LRRC38: variants seen among roughly 807,000 people sequenced by gnomAD.
LRRC38 encodes the protein leucine rich repeat containing 38.
In LRRC38, 5 loss-of-function variants were observed where a neutral mutation model predicts 16.4. The ratio of observed to expected loss-of-function variants is 0.31; its 90% CI spans 0.16 to 0.64. The LOEUF is 0.64. Ranked by LOEUF, LRRC38 falls within the 30% of genes least tolerant of loss-of-function variation. The pLI, the probability that LRRC38 is intolerant of heterozygous loss-of-function variation, is 0.80. For synonymous variants in LRRC38, 191 were observed against 190.2 expected, an observed-to-expected ratio of 1.00 and a Z score of -0.04; for missense variants, 341 against 401.8, an observed-to-expected ratio of 0.85 and a Z score of 1.29.
rs1413257640 is a variant in LRRC38, at chr1:13,487,306, A to C, written c.632-11207T>G. Among the ~76,000 whole-genome samples the C allele has an allele frequency of 6.6e-6, 1 of 152,170 alleles. No individual in the cohort carries two copies. Among genetic ancestry groups the C allele is most frequent in the Non-Finnish European group, 1.5e-5 (1 of 68,036 alleles). On this transcript the variant is annotated intron_variant, in intron 1 of 1. Transcript: ENST00000376085. This position sits in a 1 kb window ranked among gnomAD's most constrained non-coding sequence, Gnocchi z 4.4. The stretch of plus-strand genomic sequence containing the variant: ...AGCCTTTGTCCCACAGCCACAAATC[A>C]TTTAACTGGGTCCTGTTGTTCTATA...
intron 1 of LRRC38, among the ~76,000 whole-genome samples, chr1:13,489,090 C>T (rs1308002043): frequency 6.6e-6 from 1 of 152,186 alleles, no homozygotes; most frequent in Non-Finnish European, 1.5e-5. Flanking sequence ...GCCATTACTG[C>T]AGCTACAACT....
At chr1:13,500,205 A>G (rs1327671358) in intron 1 of LRRC38, among the ~76,000 whole-genome samples, 1 of 151,428 alleles carries the variant, frequency 6.6e-6, no homozygotes, top group Non-Finnish European at 1.5e-5. Context: ...CAGTGAGCCG[A>G]GATCATGCCA....
At chr1:13,511,586 A>T (rs919519420) in intron 1 of LRRC38, among the ~76,000 whole-genome samples, 1 of 152,104 alleles carries the variant, frequency 6.6e-6, no homozygotes. Flanking sequence ...AACAGGGGTG[A>T]ATGGTGCCAA....
At chr1:13,492,192 G>A (rs78764949) in intron 1 of LRRC38, among the ~76,000 whole-genome samples, 6 of 152,030 alleles carry the variant, frequency 3.9e-5, no homozygotes, top group Non-Finnish European at 7.4e-5. Flanking sequence ...TACGTACTGC[G>A]TACAAGTGAA....
At position 13,513,035 on chromosome 1, in the gene LRRC38, G is replaced by A. The variant is rs1425751347; in HGVS notation, c.559C>T (p.Pro187Ser). The A allele has an allele frequency of 1.3e-5, 20 of 1,549,862 alleles. No individual in the cohort carries two copies. Among genetic ancestry groups the A allele is most frequent in the Non-Finnish European group, 1.6e-5 (18 of 1,146,638 alleles). ...ALRSLRLDGN[P>S]WLCDCDFAHL... ...GCGAAGTCACAGTCGCACAGCCAGGGGTTCCCGTCCAGACGCAGGGAGCGC... is the reference window on the plus strand; with the variant it reads ...GCGAAGTCACAGTCGCACAGCCAGGAGTTCCCGTCCAGACGCAGGGAGCGC... Residue 187 changes from proline to serine, a missense_variant, in exon 1 of 2, where the codon CCC (proline) becomes TCC (serine). Coordinates refer to ENST00000376085, the MANE Select transcript of LRRC38 (RefSeq NM_001010847.2).
At chr1:13,506,198 A>G (rs1364290682) in intron 1 of LRRC38, among the ~76,000 whole-genome samples, 1 of 152,078 alleles carries the variant, frequency 6.6e-6, no homozygotes, top group Non-Finnish European at 1.5e-5. Context: ...ATGGAAGGTT[A>G]AGTGGGAACC....
At chr1:13,498,346 G>A (rs549539661) in intron 1 of LRRC38, among the ~76,000 whole-genome samples, 1 of 152,206 alleles carries the variant, frequency 6.6e-6, no homozygotes, top group African/African-American at 2.4e-5. Context: ...TCTGAAGGCT[G>A]AGAGGCCAGG....
intron 1 of LRRC38, among the ~76,000 whole-genome samples, chr1:13,479,961 G>T (rs371388600): frequency 4.6e-5 from 7 of 152,134 alleles, no homozygotes; most frequent in African/African-American, 1.7e-4. Flanking sequence ...TTGACATAGG[G>T]GCCGTCCTGT....
At chr1:13,489,242 T>C (rs1036541815) in intron 1 of LRRC38, among the ~76,000 whole-genome samples, 7 of 152,172 alleles carry the variant, frequency 4.6e-5, no homozygotes, top group African/African-American at 1.7e-4. Context: ...TTCCCCTCCC[T>C]GGCTAAGAGA....
chr1:13,478,113 A>C (rs1364626833), intron 1 of LRRC38, among the ~76,000 whole-genome samples: 1 of 152,248 alleles, frequency 6.6e-6, no homozygotes, highest in East Asian at 1.9e-4. Context: ...AATACGAGCT[A>C]TGTGCAAATT....
At chr1:13,479,921 A>G (rs1432322513) in intron 1 of LRRC38, among the ~76,000 whole-genome samples, 1 of 152,186 alleles carries the variant, frequency 6.6e-6, no homozygotes, top group Non-Finnish European at 1.5e-5. Context: ...CAACTTGGCC[A>G]TCACTGACAT....
rs1639303235 is a variant in LRRC38, at chr1:13,513,579, G to A, written c.15C>T (p.Ala5=). MRPR[A]PACAAAALGL... Reference sequence around the variant, plus strand: ...CGAGCGCCGCGGCGGCGCAGGCTGGGGCTCGGGGGCGCATGGCCGGGGGGC... The same window carrying A: ...CGAGCGCCGCGGCGGCGCAGGCTGGAGCTCGGGGGCGCATGGCCGGGGGGC... The change falls in exon 1 of 2, where the codon GCC becomes GCT. Residue 5 remains alanine, a synonymous_variant. Coordinates refer to ENST00000376085, the MANE Select transcript of LRRC38 (RefSeq NM_001010847.2). 14 of 1,184,106 alleles carry A rather than the reference G, an allele frequency of 1.2e-5. No homozygotes were observed. Among genetic ancestry groups the A allele is most frequent in the Non-Finnish European group, 1.5e-5 (14 of 957,834 alleles). 73.3% of individuals were successfully genotyped at this position (1,184,106 alleles called of 1,614,324 possible). A position where few individuals can be genotyped will look rare whatever the true frequency, so the allele number is the denominator to read the frequency against.
chr1:13,503,740 C>T (rs1197114566), intron 1 of LRRC38, among the ~76,000 whole-genome samples: 1 of 152,200 alleles, frequency 6.6e-6, no homozygotes, highest in African/African-American at 2.4e-5. Flanking sequence ...GCACGTGACT[C>T]GGAGGACCCA....
chr1:13,489,459 G>C (rs1160027936), intron 1 of LRRC38, among the ~76,000 whole-genome samples: 1 of 145,920 alleles, frequency 6.9e-6, no homozygotes, highest in Non-Finnish European at 1.5e-5. Context: ...TTATTTTACA[G>C]ATGAGAGGCC....
chr1:13,497,182 G>GC (rs1008457181), intron 1 of LRRC38, among the ~76,000 whole-genome samples: 12 of 152,132 alleles, frequency 7.9e-5, no homozygotes, highest in African/African-American at 2.9e-4. Flanking sequence ...TGATACGGGA[G>GC]CCCCTGGAGA....
chr1:13,491,152 C>T (rs1426301073), intron 1 of LRRC38, among the ~76,000 whole-genome samples: 1 of 152,100 alleles, frequency 6.6e-6, no homozygotes, highest in Admixed American at 6.6e-5. Flanking sequence ...TTTTGGTTGT[C>T]ACACTGGGTG....
chr1:13,509,162 T>G (rs1191245588), intron 1 of LRRC38, among the ~76,000 whole-genome samples: 1 of 152,052 alleles, frequency 6.6e-6, no homozygotes, highest in East Asian at 1.9e-4. Context: ...CAGTCCATCC[T>G]TCCTCCCAGC....
chr1:13,501,845 G>A (rs965475910), intron 1 of LRRC38, among the ~76,000 whole-genome samples: 18 of 151,724 alleles, frequency 1.2e-4, no homozygotes, highest in Non-Finnish European at 2.4e-4. Flanking sequence ...GGCACGATCT[G>A]CACCATTCCT....
chr1:13,513,365 TGAA>T lies in LRRC38; in HGVS notation c.226_228del (p.Phe76del), dbSNP rs1179807430. 16 of 1,550,612 alleles carry T rather than the reference TGAA, an allele frequency of 1.0e-5. No homozygotes were observed. The highest frequency in any genetic ancestry group is 2.4e-5 in the East Asian group (1 of 40,874). ...AGGTAGACCAGGTCGCCGTAGAAGA[TGAA>T]GAAGTCCTCGGGGATCCGCTGGATG... On this transcript the variant is annotated inframe_deletion, in exon 1 of 2. Transcript: ENST00000376085.
Sources: gnomAD v4.1 joint callset for allele counts (sites outside exome capture counted in the v4.1 genomes callset) on GRCh38, gnomAD v4.1.1 for gene constraint, Gnocchi (gnomAD v3.1) non-coding constraint, MANE v1.5 for transcripts, NCBI Gene and HGNC (gene_info 2026-07-23, HGNC 2026-07-21) for gene names.